SAR1B: variants seen among roughly 807,000 people sequenced by gnomAD.
The protein encoded by SAR1B is small COPII coat GTPase SAR1B.
In SAR1B, 23 loss-of-function variants were observed where a neutral mutation model predicts 26.8. That is an observed-to-expected ratio of 0.86 (90% CI 0.62 to 1.22). The LOEUF (loss-of-function observed/expected upper bound fraction) is 1.22. SAR1B is among the 50% of genes most tolerant of loss of function. SAR1B has a pLI of 0.00. For missense variants in SAR1B, 196 were observed against 232.8 expected (o/e 0.84, Z 1.03); for synonymous variants, 65 against 80.8 (o/e 0.80, Z 1.05).
In SAR1B at chr5:134,603,973, C is replaced by G. The variant is rs1455506638; in HGVS notation, c.*2977G>C. On this transcript the variant is annotated 3_prime_UTR_variant, in exon 7 of 7. Transcript: ENST00000402673. ...ACAGGCAGTATCTGTGTTCATATAT[C>G]TTTGGCACTCATACAAAGATACTGG... The G allele has an allele frequency of 1.3e-5, 2 of 152,172 alleles. No individual in the cohort carries two copies. The highest frequency in any genetic ancestry group is 2.9e-5 in the Non-Finnish European group (2 of 68,034). The allele number at this position is 152,172 out of a possible 1,614,324, so 9.4% of individuals were successfully genotyped here.
In SAR1B at chr5:134,607,035, C is replaced by T. The variant is rs372284979; in HGVS notation, c.512G>A (p.Arg171Gln). 1.5e-4 allele frequency: 246 copies of T among 1,613,680 alleles called. No individual in the cohort carries two copies. The highest frequency in any genetic ancestry group is 2.0e-4 in the Non-Finnish European group (240 of 1,179,802). ...ACTACACATGAAAACTTCTAAGGGT[C>T]GGGCATTCAGTTCTTTCAGAGATAT... The part of the protein sequence containing the change: ...GSISLKELNA[R>Q]PLEVFMCSVL... Residue 171 changes from arginine (R) to glutamine (Q), a missense_variant, in exon 7 of 7, where the codon CGA becomes CAA. Coordinates refer to ENST00000402673, the MANE Select transcript of SAR1B (RefSeq NM_016103.4).
chr5:134,617,389 C>CT (rs113592847), intron 3 of SAR1B, among the ~76,000 whole-genome samples: 6,313 of 151,952 alleles, frequency 0.042, 410 homozygotes, highest in African/African-American at 0.14. Flanking sequence ...TTCACATATG[C>CT]TTTTTTTTCC....
chr5:134,619,733 G>C (rs1310386659), intron 3 of SAR1B, among the ~76,000 whole-genome samples: 1 of 152,092 alleles, frequency 6.6e-6, no homozygotes, highest in East Asian at 1.9e-4. Context: ...GTGTACATTA[G>C]ATATTGTTGA....
At chr5:134,615,921 G>A (rs1336259941) in intron 3 of SAR1B, among the ~76,000 whole-genome samples, 1 of 151,854 alleles carries the variant, frequency 6.6e-6, no homozygotes, top group African/African-American at 2.4e-5. Context: ...TGGATCACTT[G>A]AGACATCAGG....
intron 2 of SAR1B, among the ~76,000 whole-genome samples, chr5:134,623,432 T>G (rs1449387816): frequency 6.8e-6 from 1 of 146,530 alleles, no homozygotes; most frequent in Non-Finnish European, 1.5e-5. Context: ...AGAGCGAGAC[T>G]CCATCTCAGA....
At chr5:134,630,175 G>T (rs1401742593) in intron 1 of SAR1B, among the ~76,000 whole-genome samples, 1 of 152,078 alleles carries the variant, frequency 6.6e-6, no homozygotes, top group Non-Finnish European at 1.5e-5. Flanking sequence ...AGTGTAGAAG[G>T]CTGGGGGAGG....
chr5:134,604,039 G>A lies in SAR1B; in HGVS notation c.*2911C>T, dbSNP rs1400877469. Reference sequence around the variant, plus strand: ...AATAATTTTTTTTCATATACTTTAGGAAATGTCTGTTCTCCAATTAAAAAA... The same window carrying A: ...AATAATTTTTTTTCATATACTTTAGAAAATGTCTGTTCTCCAATTAAAAAA... On this transcript the variant is annotated 3_prime_UTR_variant, in exon 7 of 7. Transcript: ENST00000402673. 2.0e-5 allele frequency: 3 copies of A among 151,986 alleles called. No individual in the cohort carries two copies. The East Asian group carries it at 5.8e-4, about 29-fold the overall frequency. 9.4% of individuals were successfully genotyped at this position (151,986 alleles called of 1,614,324 possible). A position where few individuals can be genotyped will look rare whatever the true frequency, so the allele number is the denominator to read the frequency against.
intron 1 of SAR1B, among the ~76,000 whole-genome samples, chr5:134,632,456 G>A (rs1765625306): frequency 6.6e-6 from 1 of 152,160 alleles, no homozygotes; most frequent in South Asian, 2.1e-4. Flanking sequence ...GGGAAGGAAG[G>A]GGCTTGCCTG....
At chr5:134,616,460 AAG>A (rs1456613504) in intron 3 of SAR1B, among the ~76,000 whole-genome samples, 1 of 152,032 alleles carries the variant, frequency 6.6e-6, no homozygotes, top group Non-Finnish European at 1.5e-5. Context: ...AAAAGAAAGA[AAG>A]AAATTCTATG....
At chr5:134,617,742 C>A (rs985517207) in intron 3 of SAR1B, among the ~76,000 whole-genome samples, 1 of 151,914 alleles carries the variant, frequency 6.6e-6, no homozygotes, top group Non-Finnish European at 1.5e-5. Flanking sequence ...AATGCAGTGG[C>A]GCCATCTTGG....
intron 3 of SAR1B, among the ~76,000 whole-genome samples, chr5:134,618,964 C>CTTCA (rs2150053486): frequency 6.7e-6 from 1 of 150,320 alleles, no homozygotes; most frequent in South Asian, 2.1e-4. Context: ...TGCCACTGCA[C>CTTCA]TTCAGCCTAG....
At position 134,612,679 on chromosome 5, in the gene SAR1B, A is replaced by ATAAAATT; in HGVS notation, c.244+11_244+12insAATTTTA. On this transcript the variant is annotated intron_variant, in intron 4 of 6. Transcript: ENST00000402673. The stretch of plus-strand genomic sequence containing the variant: ...AAAAAAAAAAAAAAAAAAAAAAAAA[A>ATAAAATT]AAGAATCTTACCTTGAACATGTCCA... 1 of 991,766 alleles carries ATAAAATT rather than the reference A, an allele frequency of 1.0e-6. No individual in the cohort carries two copies. The highest frequency in any genetic ancestry group is 1.4e-6 in the Non-Finnish European group (1 of 712,500). 61.4% of individuals were successfully genotyped at this position (991,766 alleles called of 1,614,324 possible). A position where few individuals can be genotyped will look rare whatever the true frequency, so the allele number is the denominator to read the frequency against.
At position 134,606,800 on chromosome 5, in the gene SAR1B, C is replaced by T. The variant is rs1365423878; in HGVS notation, c.*150G>A. 3 of 680,400 alleles carry T rather than the reference C, an allele frequency of 4.4e-6. No homozygotes were observed. In the East Asian group the frequency reaches 8.5e-5, roughly 19 times the overall value. The allele number at this position is 680,400 out of a possible 1,614,324, so 42.1% of individuals were successfully genotyped here. Reference sequence around the variant, plus strand: ...CTTACTTGAATCAGTTTTCAATTCTCATTCAAATTAAGTTGATTTAATATT... The same window carrying T: ...CTTACTTGAATCAGTTTTCAATTCTTATTCAAATTAAGTTGATTTAATATT... On this transcript the variant is annotated 3_prime_UTR_variant, in exon 7 of 7. Transcript: ENST00000402673.
chr5:134,632,074 C>G (rs1040224971), intron 1 of SAR1B: 6 of 152,128 alleles, frequency 3.9e-5, no homozygotes, highest in African/African-American at 1.4e-4. Flanking sequence ...TGGTGGCGGG[C>G]ACCTGTAGTC....
chr5:134,624,032 T>C lies in SAR1B; in HGVS notation c.-13A>G, dbSNP rs1022550147. 3.1e-6 allele frequency: 5 copies of C among 1,594,320 alleles called. No homozygotes were observed. Among genetic ancestry groups the C allele is most frequent in the African/African-American group, 2.7e-5 (2 of 74,490 alleles). On this transcript the variant is annotated 5_prime_UTR_variant, in exon 2 of 7. Coordinates refer to ENST00000402673, the MANE Select transcript of SAR1B (RefSeq NM_016103.4). Reference sequence around the variant, plus strand: ...ATATGAAGGACATATCCAAATCTGATAGGGTCTGAAAAAAAAGAGTTTGAA... The same window carrying C: ...ATATGAAGGACATATCCAAATCTGACAGGGTCTGAAAAAAAAGAGTTTGAA...
Position 134,605,792 on chromosome 5 carries a change from T to A in SAR1B, c.*1158A>T, listed in dbSNP as rs1165762238. 6.6e-6 allele frequency: 1 copy of A among 151,686 alleles called. No homozygotes were observed. Among genetic ancestry groups the A allele is most frequent in the African/African-American group, 2.4e-5 (1 of 41,242 alleles). The allele number at this position is 151,686 out of a possible 1,614,324, so 9.4% of individuals were successfully genotyped here. On this transcript the variant is annotated 3_prime_UTR_variant, in exon 7 of 7. Coordinates refer to ENST00000402673, the MANE Select transcript of SAR1B (RefSeq NM_016103.4). ...TTTTCTTCTACCAGGATATAAAATA[T>A]GCCAAAGAATACAAAAGAGCTATAG...
At position 134,604,487 on chromosome 5, in the gene SAR1B, G is replaced by C. The variant is rs910719790; in HGVS notation, c.*2463C>G. 2 of 152,156 alleles carry C rather than the reference G, an allele frequency of 1.3e-5. No homozygotes were observed. The highest frequency in any genetic ancestry group is 4.8e-5 in the African/African-American group (2 of 41,416). The allele number at this position is 152,156 out of a possible 1,614,324, so 9.4% of individuals were successfully genotyped here. A position where few individuals can be genotyped will look rare whatever the true frequency, so the allele number is the denominator to read the frequency against. ...AGCAGTACCCAGTGCATATACTCTGGAGAGGTTCTCAAAGCTGGACAGTAA... is the reference window on the plus strand; with the variant it reads ...AGCAGTACCCAGTGCATATACTCTGCAGAGGTTCTCAAAGCTGGACAGTAA... On this transcript the variant is annotated 3_prime_UTR_variant, in exon 7 of 7. Transcript: ENST00000402673.
At position 134,624,029 on chromosome 5, in the gene SAR1B, T is replaced by C. The variant is rs1765456506; in HGVS notation, c.-10A>G. The C allele has an allele frequency of 6.3e-7, 1 of 1,594,146 alleles. No individual in the cohort carries two copies. Among genetic ancestry groups the C allele is most frequent in the African/African-American group, 1.3e-5 (1 of 74,490 alleles). Reference sequence around the variant, plus strand: ...CAAATATGAAGGACATATCCAAATCTGATAGGGTCTGAAAAAAAAGAGTTT... The same window carrying C: ...CAAATATGAAGGACATATCCAAATCCGATAGGGTCTGAAAAAAAAGAGTTT... On this transcript the variant is annotated 5_prime_UTR_variant, in exon 2 of 7. Coordinates refer to ENST00000402673, the MANE Select transcript of SAR1B (RefSeq NM_016103.4).
chr5:134,624,331 C>T (rs751750890), intron 1 of SAR1B, among the ~76,000 whole-genome samples: 20 of 152,058 alleles, frequency 1.3e-4, no homozygotes, highest in Non-Finnish European at 2.6e-4. Context: ...ATTACTTGAA[C>T]CCAAGAAGTG....
Sources: allele counts gnomAD v4.1 joint callset (sites outside exome capture counted in the v4.1 genomes callset), GRCh38; gene constraint gnomAD v4.1.1; transcripts MANE v1.5; gene names NCBI Gene and HGNC (gene_info 2026-07-23, HGNC 2026-07-21).